EIF2AK3: variants seen among roughly 807,000 people sequenced by gnomAD.
The protein encoded by EIF2AK3 is eukaryotic translation initiation factor 2 alpha kinase 3.
EIF2AK3 carries 50 observed loss-of-function variants against 113.5 expected under a neutral mutation model. That is an observed-to-expected ratio of 0.44 (90% CI 0.35 to 0.56). EIF2AK3 has a LOEUF of 0.56. Among genes scored for constraint, EIF2AK3 ranks in the 20% least tolerant of loss-of-function variants. The pLI is 0.00. For missense variants in EIF2AK3, 1,185 were observed against 1,378.0 expected, an observed-to-expected ratio of 0.86 and a Z score of 2.22; for synonymous variants, 448 against 495.4, an observed-to-expected ratio of 0.90 and a Z score of 1.27.
intron 2 of EIF2AK3, among the ~76,000 whole-genome samples, chr2:88,609,507 A>C (rs188415779): frequency 6.6e-6 from 1 of 152,358 alleles, no homozygotes; most frequent in East Asian, 1.9e-4. Context: ...TGAAGCAATA[A>C]AAATGACTGA....
rs1329525666 is a variant in EIF2AK3 at position 88,588,042 on chromosome 2, C to A, written c.1369G>T (p.Asp457Tyr). 5.1e-6 allele frequency: 8 copies of A among 1,583,010 alleles called. No individual in the cohort carries two copies. Among genetic ancestry groups the A allele is most frequent in the Non-Finnish European group, 6.9e-6 (8 of 1,157,776 alleles). ...SDEFDKCLSN[D>Y]KFSHEEYSNG... ...CTATATTCTTCATGAGAAAACTTAT[C>A]ATTACTGAGACATTTGTCAAATTCA... The change falls in exon 8 of 17, where the codon GAT (aspartate) becomes TAT (tyrosine). Residue 457 changes from aspartate to tyrosine, a missense_variant. By Grantham distance (160) the Asp-to-Tyr change is radical (BLOSUM62 -3). Coordinates refer to ENST00000303236, the MANE Select transcript of EIF2AK3 (RefSeq NM_004836.7).
intron 4 of EIF2AK3, among the ~76,000 whole-genome samples, chr2:88,592,258 G>C (rs1452113908): frequency 6.6e-6 from 1 of 151,938 alleles, no homozygotes; most frequent in Non-Finnish European, 1.5e-5. Flanking sequence ...TTTAAAGAAG[G>C]AAACAGAAAG....
chr2:88,570,441 G>A (rs558189236), intron 14 of EIF2AK3, among the ~76,000 whole-genome samples: 1 of 152,238 alleles, frequency 6.6e-6, no homozygotes, highest in Non-Finnish European at 1.5e-5. Context: ...CTGCCGGCCT[G>A]TGTGCCTCTA....
intron 14 of EIF2AK3, among the ~76,000 whole-genome samples, chr2:88,565,993 C>T (rs1028635745): frequency 6.6e-6 from 1 of 152,136 alleles, no homozygotes; most frequent in Non-Finnish European, 1.5e-5. Context: ...AAATAAAAAT[C>T]TCTTCTGTAT....
In EIF2AK3 at chr2:88,622,174, G is replaced by T. The variant is rs535063026; in HGVS notation, c.308+4793C>A. On this transcript the variant is annotated intron_variant, in intron 1 of 16. Coordinates refer to ENST00000303236, the MANE Select transcript of EIF2AK3 (RefSeq NM_004836.7). Reference sequence around the variant, plus strand: ...GGCCTCCCAAAGTGCTGTGATTACAGGCGTGAGCCACCACGCCCGGCCCTA... The same window carrying T: ...GGCCTCCCAAAGTGCTGTGATTACATGCGTGAGCCACCACGCCCGGCCCTA... Among the ~76,000 whole-genome samples the T allele has an allele frequency of 5.9e-5, 9 of 152,248 alleles. No individual in the cohort carries two copies. The South Asian group carries it at 1.9e-3, about 32-fold the overall frequency.
intron 10 of EIF2AK3, among the ~76,000 whole-genome samples, chr2:88,583,084 T>G (rs1054136496): frequency 1.3e-5 from 2 of 152,140 alleles, no homozygotes; most frequent in Non-Finnish European, 2.9e-5. Flanking sequence ...TGAAAATAAA[T>G]GAGGATTCCG....
In EIF2AK3 at chr2:88,586,045, T is replaced by C. The variant is rs753150455; in HGVS notation, c.1446A>G (p.Leu482=). Residue 482 remains leucine, a synonymous_variant, in exon 9 of 17, where the codon CTA becomes CTG. Coordinates refer to ENST00000303236, the MANE Select transcript of EIF2AK3 (RefSeq NM_004836.7). Reference sequence around the variant, plus strand: ...TGTTCCTCTCCCTCTTGTAGTATGGTAGATAATAACCATTATCTTCAAATA... The same window carrying C: ...TGTTCCTCTCCCTCTTGTAGTATGGCAGATAATAACCATTATCTTCAAATA... ...LQYPYDNGYY[L]PYYKRERNKR... is the part of the protein sequence containing the mutation. 2.0e-5 allele frequency: 32 copies of C among 1,613,944 alleles called. No individual in the cohort carries two copies. Among genetic ancestry groups the C allele is most frequent in the Non-Finnish European group, 2.6e-5 (31 of 1,179,816 alleles).
intron 2 of EIF2AK3, among the ~76,000 whole-genome samples, chr2:88,605,178 C>A (rs902040548): frequency 3.3e-5 from 5 of 152,072 alleles, no homozygotes; most frequent in Non-Finnish European, 5.9e-5. Context: ...TGTATATATA[C>A]ATGTATACTT....
At position 88,627,234 on chromosome 2, in the gene EIF2AK3, AG is replaced by A; in HGVS notation, c.40del (p.Leu14CysfsTer57). 7.0e-7 allele frequency: 1 copy of A among 1,435,984 alleles called. No individual in the cohort carries two copies. Among genetic ancestry groups the A allele is most frequent in the East Asian group, 3.0e-5 (1 of 33,460 alleles). 89.0% of individuals were successfully genotyped at this position (1,435,984 alleles called of 1,614,324 possible). A position where few individuals can be genotyped will look rare whatever the true frequency, so the allele number is the denominator to read the frequency against. On this transcript the variant is annotated frameshift_variant, in exon 1 of 17. Transcript: ENST00000303236. LOFTEE classifies it high-confidence loss of function. ...CCCCAGCAGCAGCAGCAGCAGCAGC[AG>A]CGCCCGTACCAGCAGCCCCGGGCTG... Reference protein sequence around the residue: ...AISPGLLVRALLLLLLLLGLA... With the variant: ...AISPGLLVRAXLLLLLLLGLA...
chr2:88,593,510 G>A (rs1674936501), intron 3 of EIF2AK3, 105 bp from the exon 4 acceptor site: 3 of 1,375,748 alleles, frequency 2.2e-6, no homozygotes, highest in Admixed American at 1.9e-5. Flanking sequence ...AGGAAACTAA[G>A]GAAATGTGTA....
chr2:88,583,318 G>A (rs1674641478), intron 10 of EIF2AK3, 112 bp downstream of exon 10: 1 of 769,748 alleles, frequency 1.3e-6, no homozygotes, highest in South Asian at 1.6e-5. Flanking sequence ...TTTATTGAGG[G>A]TTAAGCCTAT....
At chr2:88,608,149 C>T (rs1180082970) in intron 2 of EIF2AK3, among the ~76,000 whole-genome samples, 1 of 152,168 alleles carries the variant, frequency 6.6e-6, no homozygotes, top group Non-Finnish European at 1.5e-5. Flanking sequence ...TACAGTCTAT[C>T]AAATCCTTTA....
At chr2:88,591,543 A>G (rs1434751167) in intron 4 of EIF2AK3, among the ~76,000 whole-genome samples, 1 of 152,234 alleles carries the variant, frequency 6.6e-6, no homozygotes, top group Non-Finnish European at 1.5e-5. Flanking sequence ...CAAAAAGGCA[A>G]TGTGATCCAG....
At chr2:88,562,970 C>T (rs1427189024) in intron 14 of EIF2AK3, among the ~76,000 whole-genome samples, 1 of 152,130 alleles carries the variant, frequency 6.6e-6, no homozygotes, top group Non-Finnish European at 1.5e-5. Context: ...TGCTATCGTC[C>T]AGCACTGGGG....
intron 15 of EIF2AK3, among the ~76,000 whole-genome samples, chr2:88,559,323 G>A (rs568359340): frequency 1.3e-5 from 2 of 152,214 alleles, no homozygotes; most frequent in South Asian, 4.1e-4. Context: ...CATCAATACA[G>A]TATAATACTT....
intron 2 of EIF2AK3, among the ~76,000 whole-genome samples, chr2:88,601,834 C>CTTTTTTTTTTGTTTTTTTT (rs1675155182): frequency 1.3e-5 from 1 of 74,858 alleles, no homozygotes; most frequent in African/African-American, 5.3e-5. Context: ...TAAGATTTTT[C>CTTTTTTTTTTGTTTTTTTT]TTTTTTTTTT....
intron 2 of EIF2AK3, among the ~76,000 whole-genome samples, chr2:88,608,010 A>C (rs1047960442): frequency 6.6e-6 from 1 of 152,180 alleles, no homozygotes; most frequent in African/African-American, 2.4e-5. Context: ...CTAAAACTGA[A>C]GCTCCTGAAT....
At chr2:88,590,253 T>G (rs934664187) in intron 6 of EIF2AK3, among the ~76,000 whole-genome samples, 190 bp downstream of exon 6, 1 of 151,784 alleles carries the variant, frequency 6.6e-6, no homozygotes, top group Non-Finnish European at 1.5e-5. Flanking sequence ...AACAAAAAAA[T>G]TTTCAGAATT....
In EIF2AK3 at chr2:88,627,032, G is replaced by T. The variant is rs767552026; in HGVS notation, c.243C>A (p.Ala81=). ...GACCCCGAGGCTCCTGCTCTCCCGC[G>T]GCTGCCGGCAGCGCCTCAGCGTCCT... ...TVEDAEALPA[A]AGEQEPRGPE... is the part of the protein sequence containing the mutation. The change falls in exon 1 of 17, where the codon GCC becomes GCA. Residue 81 remains alanine (A), a synonymous_variant. Transcript: ENST00000303236. 1.2e-6 allele frequency: 2 copies of T among 1,603,790 alleles called. No individual in the cohort carries two copies. Among genetic ancestry groups the T allele is most frequent in the Non-Finnish European group, 8.5e-7 (1 of 1,178,434 alleles).
Sources: allele counts gnomAD v4.1 joint callset (sites outside exome capture counted in the v4.1 genomes callset), GRCh38; gene constraint gnomAD v4.1.1; transcripts MANE v1.5; gene names NCBI Gene and HGNC (gene_info 2026-07-23, HGNC 2026-07-21).